HS6ST2: variants seen among roughly 807,000 people sequenced by gnomAD.
HS6ST2 encodes the protein heparan-sulfate 6-O-sulfotransferase 2.
HS6ST2 carries 17 observed loss-of-function variants against 33.0 expected under a neutral mutation model. The ratio of observed to expected loss-of-function variants is 0.52; its 90% CI spans 0.35 to 0.77. HS6ST2 has a LOEUF of 0.77. HS6ST2 is among the 30% of genes least tolerant of loss of function. The pLI is 0.01. For synonymous variants in HS6ST2, 248 were observed against 237.1 expected (o/e 1.05, Z -0.42); for missense variants, 519 against 551.7 (o/e 0.94, Z 0.59).
At chrX:132,732,550 T>C (rs772772438) in intron 2 of HS6ST2, among the ~76,000 whole-genome samples, 3 of 111,323 alleles carry the variant, frequency 2.7e-5, no homozygotes, top group Non-Finnish European at 3.8e-5. Context: ...GTGGAGATAA[T>C]TGAATCATGG....
chrX:132,628,553 C>CA lies in HS6ST2; in HGVS notation c.1607dup (p.Leu536PhefsTer93). The CA allele has an allele frequency of 8.3e-7, 1 of 1,210,639 alleles. No individual in the cohort carries two copies. The highest frequency in any genetic ancestry group is 1.1e-6 in the Non-Finnish European group (1 of 895,124). On this transcript the variant is annotated frameshift_variant, in exon 5 of 5. Transcript: ENST00000370833. LOFTEE classifies it high-confidence loss of function. ...TCTGCCTCATAAACTGATACCTCTG[C>CA]AAAAAAAGGTCTTTGGCATAGCTGT...
At chrX:132,727,449 A>T (rs1255129705) in intron 2 of HS6ST2, among the ~76,000 whole-genome samples, 1 of 110,792 alleles carries the variant, frequency 9.0e-6, no homozygotes, top group Non-Finnish European at 1.9e-5. Context: ...GATAATAGTT[A>T]TATACTCAAT....
intron 2 of HS6ST2, among the ~76,000 whole-genome samples, chrX:132,714,615 G>A (rs151281645): frequency 1.3e-3 from 149 of 111,378 alleles, no homozygotes; most frequent in African/African-American, 4.5e-3. Context: ...CACCGTGCCC[G>A]GCCAATAACA....
intron 2 of HS6ST2, among the ~76,000 whole-genome samples, chrX:132,893,675 G>A (rs894278889): frequency 9.0e-6 from 1 of 111,612 alleles, no homozygotes; most frequent in Non-Finnish European, 1.9e-5. Context: ...AGGTGGCAGT[G>A]GGGGAGGATG....
chrX:132,794,095 G>T (rs973539368), intron 2 of HS6ST2, among the ~76,000 whole-genome samples: 4 of 112,706 alleles, frequency 3.5e-5, no homozygotes, highest in Admixed American at 1.9e-4. Flanking sequence ...TTTGTCTCTA[G>T]ATAAATAAAT....
At chrX:132,712,055 A>C (rs2064235662) in intron 2 of HS6ST2, among the ~76,000 whole-genome samples, 1 of 111,604 alleles carries the variant, frequency 9.0e-6, no homozygotes, top group South Asian at 3.8e-4. Flanking sequence ...TCAGATTGCA[A>C]ATCTGCAGCA....
intron 3 of HS6ST2, among the ~76,000 whole-genome samples, chrX:132,707,897 G>A (rs2064199168): frequency 9.0e-6 from 1 of 111,432 alleles, no homozygotes; most frequent in Admixed American, 9.5e-5. Flanking sequence ...TATTTGATTA[G>A]ATTTGCTCTC....
chrX:132,711,171 A>C (rs1257966680), intron 2 of HS6ST2, among the ~76,000 whole-genome samples: 1 of 111,958 alleles, frequency 8.9e-6, no homozygotes, highest in Non-Finnish European at 1.9e-5. Context: ...AAATGAAGAG[A>C]ACACATATAT....
Position 132,769,285 on chromosome X carries a change from A to G in HS6ST2, c.948-60791T>C, listed in dbSNP as rs138574678. Among the ~76,000 whole-genome samples, 16 of 112,566 alleles carry G rather than the reference A, an allele frequency of 1.4e-4. 1 individual carries two copies. The East Asian group carries it at 4.5e-3, about 31-fold the overall frequency. On this transcript the variant is annotated intron_variant, in intron 2 of 4. Transcript: ENST00000370833. ...ACAAGTAACTTTTGAAAGCAAGAAG[A>G]CAATAATATTTTCCATTCTGCAAAG...
intron 2 of HS6ST2, among the ~76,000 whole-genome samples, chrX:132,867,420 A>G (rs996681457): frequency 1.4e-4 from 15 of 110,661 alleles, no homozygotes; most frequent in African/African-American, 3.6e-4. Context: ...ATGTTCATCA[A>G]GGATATTGGT....
intron 4 of HS6ST2, among the ~76,000 whole-genome samples, chrX:132,667,483 T>C (rs2063817874): frequency 8.9e-6 from 1 of 112,012 alleles, no homozygotes; most frequent in South Asian, 3.8e-4. Flanking sequence ...CCTCCCACTG[T>C]TGAAAACCTG....
intron 2 of HS6ST2, among the ~76,000 whole-genome samples, chrX:132,852,081 G>T (rs1031202918): frequency 5.4e-5 from 6 of 111,556 alleles, no homozygotes; most frequent in African/African-American, 2.0e-4. Context: ...GTTCAAGGCT[G>T]CAGTGAGCTG....
At chrX:132,795,229 T>C (rs2065165018) in intron 2 of HS6ST2, among the ~76,000 whole-genome samples, 1 of 112,204 alleles carries the variant, frequency 8.9e-6, no homozygotes, top group Admixed American at 9.5e-5. Context: ...ATTTGCCTAT[T>C]CTGATATTTC....
At chrX:132,703,475 T>C (rs1212723323) in intron 3 of HS6ST2, among the ~76,000 whole-genome samples, 1 of 112,542 alleles carries the variant, frequency 8.9e-6, no homozygotes, top group East Asian at 2.8e-4. Flanking sequence ...CTGTACTGCA[T>C]TTTGAGAAGG....
chrX:132,763,665 G>C (rs2064821866), intron 2 of HS6ST2, among the ~76,000 whole-genome samples: 1 of 111,912 alleles, frequency 8.9e-6, no homozygotes, highest in African/African-American at 3.2e-5. Context: ...TTGCTCACTT[G>C]ACGATGCTAG....
intron 2 of HS6ST2, among the ~76,000 whole-genome samples, chrX:132,823,862 T>TAATAATAATAATAAC (rs2065488990): frequency 1.9e-5 from 2 of 103,569 alleles, no homozygotes; most frequent in South Asian, 8.7e-4. Flanking sequence ...AAAATAATAA[T>TAATAATAATAATAAC]AATAATAATA....
chrX:132,804,500 C>T (rs1265366007), intron 2 of HS6ST2, among the ~76,000 whole-genome samples: 1 of 112,017 alleles, frequency 8.9e-6, no homozygotes, highest in Non-Finnish European at 1.9e-5. Context: ...CTGCTTCACC[C>T]ATTCATAAGA....
intron 2 of HS6ST2, among the ~76,000 whole-genome samples, chrX:132,722,884 C>CAAAAAAAAAAAAAAAAAA (rs144182974): frequency 3.6e-5 from 3 of 82,292 alleles, no homozygotes; most frequent in African/African-American, 8.5e-5. Context: ...AATAAAAAAA[C>CAAAAAAAAAAAAAAAAAA]AAAAAAAAAA....
intron 2 of HS6ST2, among the ~76,000 whole-genome samples, chrX:132,860,944 C>A (rs2065906562): frequency 9.2e-6 from 1 of 108,528 alleles, no homozygotes; most frequent in African/African-American, 3.4e-5. Context: ...TAGTATGCCA[C>A]CACACCCAGC....
Sources: gnomAD v4.1 joint callset for allele counts (sites outside exome capture counted in the v4.1 genomes callset) on GRCh38, gnomAD v4.1.1 for gene constraint, MANE v1.5 for transcripts, NCBI Gene and HGNC (gene_info 2026-07-23, HGNC 2026-07-21) for gene names.